The following PI15 variants were observed in gnomAD, a reference collection of about 807,000 sequenced individuals.
PI15 encodes the protein 25 kDa trypsin inhibitor.
PI15 carries 18 observed loss-of-function variants against 31.0 expected under a neutral mutation model. The observed-to-expected ratio is 0.58, with a 90% CI of 0.40 to 0.86. The LOEUF is 0.86. Among genes scored for constraint, PI15 ranks in the 40% least tolerant of loss-of-function variants. The pLI is 0.00. For missense variants in PI15, 282 were observed against 328.1 expected (o/e 0.86, Z 1.09); for synonymous variants, 118 against 119.1 (o/e 0.99, Z 0.06).
chr8:74,833,445 C>T (rs1344775556), intron 2 of PI15, among the ~76,000 whole-genome samples: 2 of 151,844 alleles, frequency 1.3e-5, no homozygotes, highest in Admixed American at 1.3e-4. Context: ...TATCTAGTTG[C>T]TTCAGGGTTT....
chr8:74,834,801 GT>G (rs1167269150), intron 2 of PI15, among the ~76,000 whole-genome samples: 1 of 152,170 alleles, frequency 6.6e-6, no homozygotes, highest in Non-Finnish European at 1.5e-5. Flanking sequence ...TAGAATTTAT[GT>G]GACAAATTAC....
rs1270333423 is a variant in PI15, at chr8:74,844,043, T to G, written c.336T>G (p.His112Gln). 2 of 1,609,310 alleles carry G rather than the reference T, an allele frequency of 1.2e-6. No homozygotes were observed. The highest frequency in any genetic ancestry group is 1.3e-5 in the African/African-American group (1 of 74,956). The change falls in exon 3 of 6, where the codon CAT becomes CAG. Residue 112 changes from histidine (H) to glutamine (Q), a missense_variant. Physicochemically the swap from His to Gln is conservative, Grantham distance 24. Transcript: ENST00000260113. The stretch of plus-strand genomic sequence containing the variant: ...GGGCGGCTACTTGCATTTGGGACCA[T>G]GGACCTTCTTACTTACTGAGATTTT... ...EAWAATCIWDHGPSYLLRFLG... is the reference protein window; with the variant it reads ...EAWAATCIWDQGPSYLLRFLG...
Position 74,849,277 on chromosome 8 carries a change from A to T in PI15, c.*24A>T. Reference sequence around the variant, plus strand: ...AAGTTTACCTTTTCCTCCAGGAAATATAATGATTTCTGGGAACATGGGCAT... The same window carrying T: ...AAGTTTACCTTTTCCTCCAGGAAATTTAATGATTTCTGGGAACATGGGCAT... On this transcript the variant is annotated 3_prime_UTR_variant, in exon 6 of 6. Transcript: ENST00000260113. 1 of 1,595,398 alleles carries T rather than the reference A, an allele frequency of 6.3e-7. No homozygotes were observed. Among genetic ancestry groups the T allele is most frequent in the Non-Finnish European group, 8.6e-7 (1 of 1,165,644 alleles).
intron 2 of PI15, among the ~76,000 whole-genome samples, chr8:74,835,781 A>G (rs934057941): frequency 1.8e-4 from 27 of 152,214 alleles, no homozygotes; most frequent in African/African-American, 6.5e-4. Flanking sequence ...TGCACATTTA[A>G]TGATGCATAG....
chr8:74,828,163 A>T (rs1350207648), intron 2 of PI15, among the ~76,000 whole-genome samples: 1 of 152,118 alleles, frequency 6.6e-6, no homozygotes. Context: ...AGGATGTAAG[A>T]TGATAAGGTT....
In PI15 at chr8:74,849,858, T is replaced by C. The variant is rs1442674334; in HGVS notation, c.*605T>C. 6.6e-6 allele frequency: 1 copy of C among 152,190 alleles called. No individual in the cohort carries two copies. The highest frequency in any genetic ancestry group is 1.5e-5 in the Non-Finnish European group (1 of 68,030). 9.4% of individuals were successfully genotyped at this position (152,190 alleles called of 1,614,324 possible). On this transcript the variant is annotated 3_prime_UTR_variant, in exon 6 of 6. Coordinates refer to ENST00000260113, the MANE Select transcript of PI15 (RefSeq NM_015886.5). ...GCAACCACGAATTTCACCCTGGAGA[T>C]ATTTTTTCTTATTTGAGTCCACCAA... is the stretch of plus-strand genomic sequence containing the variant.
chr8:74,831,082 G>T (rs1810775571), intron 2 of PI15, among the ~76,000 whole-genome samples: 2 of 152,114 alleles, frequency 1.3e-5, no homozygotes, highest in African/African-American at 4.8e-5. Context: ...AACCTTAAAG[G>T]TTCTTGCCTT....
In PI15 at chr8:74,836,505, C is replaced by T. The variant is rs1206939542; in HGVS notation, c.274-7476C>T. ...TCAGCAAATAATTGGTGCTTTGATC[C>T]GTGGGACTGGATGAGTTTACCTGGG... On this transcript the variant is annotated intron_variant, in intron 2 of 5. Transcript: ENST00000260113. 7.2e-5 allele frequency among the ~76,000 whole-genome samples: 11 copies of T among 151,856 alleles called. No homozygotes were observed. In the South Asian group the frequency reaches 8.3e-4, roughly 11 times the overall value.
rs146416590 is a variant in PI15, at chr8:74,840,932, A to T, written c.274-3049A>T. 1.0e-3 allele frequency among the ~76,000 whole-genome samples: 154 copies of T among 152,320 alleles called. 1 individual carries two copies. The highest frequency in any genetic ancestry group is 1.8e-3 in the Non-Finnish European group (121 of 68,022). On this transcript the variant is annotated intron_variant, in intron 2 of 5. Transcript: ENST00000260113. ...GGACATCGGTGAACACGTTTTCTTC[A>T]CATCTAAGTTCCTTATAATAGTTAA... is the stretch of plus-strand genomic sequence containing the variant.
intron 2 of PI15, among the ~76,000 whole-genome samples, chr8:74,842,769 A>G (rs1299761552): frequency 1.3e-5 from 2 of 152,126 alleles, no homozygotes; most frequent in Non-Finnish European, 2.9e-5. Flanking sequence ...GTCCTACGAT[A>G]TTTTTCAATG....
At chr8:74,846,506 C>A (rs974117118) in intron 5 of PI15, among the ~76,000 whole-genome samples, 1 of 152,088 alleles carries the variant, frequency 6.6e-6, no homozygotes, top group Admixed American at 6.5e-5. Flanking sequence ...AATTAGTACC[C>A]AAATAGTCTA....
chr8:74,848,824 C>T (rs1184041782), intron 5 of PI15, among the ~76,000 whole-genome samples: 2 of 150,976 alleles, frequency 1.3e-5, no homozygotes, highest in Non-Finnish European at 3.0e-5. Context: ...AGCTCCACCT[C>T]CTGGGTTCAC....
intron 2 of PI15, among the ~76,000 whole-genome samples, chr8:74,839,038 C>T (rs1017240049): frequency 1.3e-5 from 2 of 152,238 alleles, no homozygotes; most frequent in Non-Finnish European, 2.9e-5. Context: ...CATGCAGCAA[C>T]ATTTTTTACT....
At position 74,845,214 on chromosome 8, in the gene PI15, G is replaced by A; in HGVS notation, c.479G>A (p.Arg160Lys). The A allele has an allele frequency of 6.2e-7, 1 of 1,613,426 alleles. No homozygotes were observed. The highest frequency in any genetic ancestry group is 8.5e-7 in the Non-Finnish European group (1 of 1,179,354). ...AFPYPQDCNP[R>K]CPMRCFGPMC... ...CCATATCCCCAGGATTGCAACCCCA[G>A]ATGTCCTATGAGATGTTTTGGTCCC... is the stretch of plus-strand genomic sequence containing the variant. Residue 160 changes from arginine to lysine, a missense_variant, in exon 4 of 6, where the codon AGA (arginine) becomes AAA (lysine). Coordinates refer to ENST00000260113, the MANE Select transcript of PI15 (RefSeq NM_015886.5).
chr8:74,835,545 G>A (rs1377869985), intron 2 of PI15, among the ~76,000 whole-genome samples: 1 of 152,102 alleles, frequency 6.6e-6, no homozygotes, highest in Non-Finnish European at 1.5e-5. Context: ...GAATTAATAG[G>A]TTAAAGCAAA....
intron 2 of PI15, among the ~76,000 whole-genome samples, chr8:74,842,652 C>T (rs926048087): frequency 1.1e-4 from 17 of 152,088 alleles, no homozygotes; most frequent in Admixed American, 1.0e-3. Flanking sequence ...ACTGGCAGGT[C>T]TGCAAATGCT....
intron 5 of PI15, among the ~76,000 whole-genome samples, chr8:74,848,714 A>T (rs1320644780): frequency 3.5e-5 from 5 of 142,796 alleles, no homozygotes; most frequent in African/African-American, 5.2e-5. Context: ...AATATATATA[A>T]ATATATATAT....
intron 2 of PI15, among the ~76,000 whole-genome samples, chr8:74,830,305 A>G (rs1810763509): frequency 6.6e-6 from 1 of 152,108 alleles, no homozygotes; most frequent in Admixed American, 6.6e-5. Flanking sequence ...AAAAAGTGTA[A>G]TGTAATTTTA....
At chr8:74,835,174 C>T (rs1303441876) in intron 2 of PI15, among the ~76,000 whole-genome samples, 1 of 152,086 alleles carries the variant, frequency 6.6e-6, no homozygotes, top group Non-Finnish European at 1.5e-5. Flanking sequence ...TACCCCCATC[C>T]CTTCAAATCT....
Sources: allele counts gnomAD v4.1 joint callset (sites outside exome capture counted in the v4.1 genomes callset), GRCh38; gene constraint gnomAD v4.1.1; transcripts MANE v1.5; gene names NCBI Gene and HGNC (gene_info 2026-07-23, HGNC 2026-07-21).